Variants in RASGRF2 observed in about 807,000 individuals in gnomAD.
RASGRF2 encodes the protein Ras protein specific guanine nucleotide releasing factor 2, also known as ras-specific guanine nucleotide-releasing factor 2.
In RASGRF2, 76 loss-of-function variants were observed where a neutral mutation model predicts 151.0. That is an observed-to-expected ratio of 0.50 (90% confidence interval 0.42 to 0.61). The LOEUF (loss-of-function observed/expected upper bound fraction) is 0.61. Among genes scored for constraint, RASGRF2 ranks in the 20% least tolerant of loss-of-function variants. RASGRF2 has a pLI of 0.00. For synonymous variants in RASGRF2, 504 were observed against 566.5 expected, an observed-to-expected ratio of 0.89 and a Z score of 1.57; for missense variants, 1,148 against 1,564.6, an observed-to-expected ratio of 0.73 and a Z score of 4.49.
chr5:81,055,052 T>C (rs1554089753), intron 2 of RASGRF2, among the ~76,000 whole-genome samples: 3 of 152,240 alleles, frequency 2.0e-5, no homozygotes, highest in Non-Finnish European at 4.4e-5. Flanking sequence ...TTTCTAAATA[T>C]ACAGTCATAT....
At chr5:81,029,100 T>A (rs570672238) in intron 1 of RASGRF2, among the ~76,000 whole-genome samples, 1 of 152,134 alleles carries the variant, frequency 6.6e-6, no homozygotes, top group African/African-American at 2.4e-5. Flanking sequence ...GAGGCTGGGG[T>A]AGGGGTGTCT....
At chr5:81,024,245 T>C (rs528141105) in intron 1 of RASGRF2, among the ~76,000 whole-genome samples, 1 of 135,064 alleles carries the variant, frequency 7.4e-6, no homozygotes, top group African/African-American at 2.8e-5. Context: ...GAGGTATTCA[T>C]ATAATTTTTT....
At chr5:81,195,854 C>A (rs1337925507) in intron 18 of RASGRF2, among the ~76,000 whole-genome samples, 2 of 152,190 alleles carry the variant, frequency 1.3e-5, no homozygotes, top group Admixed American at 1.3e-4. Context: ...TGCTTCTCAT[C>A]TCAGCCCATG....
intron 17 of RASGRF2, among the ~76,000 whole-genome samples, chr5:81,161,634 A>G (rs1321696230): frequency 6.6e-6 from 1 of 152,180 alleles, no homozygotes; most frequent in African/African-American, 2.4e-5. Context: ...GAGTTTGTAT[A>G]GTTTGCTAAT....
At chr5:80,974,028 T>C (rs893868413) in intron 1 of RASGRF2, among the ~76,000 whole-genome samples, 1 of 152,202 alleles carries the variant, frequency 6.6e-6, no homozygotes, top group African/African-American at 2.4e-5. Flanking sequence ...CTCCTTGCAA[T>C]ATGACCTTTC....
At position 81,127,142 on chromosome 5, in the gene RASGRF2, G is replaced by A. The variant is rs1753479093; in HGVS notation, c.2665G>A (p.Ala889Thr). 2 of 1,614,032 alleles carry A rather than the reference G, an allele frequency of 1.2e-6. No individual in the cohort carries two copies. The highest frequency in any genetic ancestry group is 2.2e-5 in the East Asian group (1 of 44,884). The change falls in exon 17 of 27, where the codon GCA becomes ACA. Residue 889 changes from alanine to threonine, a missense_variant. This residue lies in a region of RASGRF2 where 646 missense variants were observed against 807.4 expected (regional missense o/e 0.80). Coordinates refer to ENST00000265080, the MANE Select transcript of RASGRF2 (RefSeq NM_006909.3). The stretch of plus-strand genomic sequence containing the variant: ...TGCTTTTGCAATAGCCACAGCTGCA[G>A]CAGGACATGGGAGTCCACCAGGTGA... ...ASAFAIATAAAGHGSPPGFNN... is the reference protein window; with the variant it reads ...ASAFAIATAATGHGSPPGFNN...
chr5:81,027,055 A>G (rs1221271747), intron 1 of RASGRF2, among the ~76,000 whole-genome samples: 1 of 152,208 alleles, frequency 6.6e-6, no homozygotes. Flanking sequence ...ATCATATCCC[A>G]TAAAATTCAC....
chr5:80,973,777 C>T (rs1402296519), intron 1 of RASGRF2, among the ~76,000 whole-genome samples: 1 of 152,112 alleles, frequency 6.6e-6, no homozygotes, highest in Non-Finnish European at 1.5e-5. Flanking sequence ...ATAGTACATT[C>T]AATGATCAAA....
At chr5:80,991,329 G>A (rs1042252396) in intron 1 of RASGRF2, among the ~76,000 whole-genome samples, 10 of 152,146 alleles carry the variant, frequency 6.6e-5, no homozygotes, top group African/African-American at 2.4e-4. Context: ...GGGGCCTGAG[G>A]TGGGAGGATC....
At chr5:80,972,228 C>T (rs1412806947) in intron 1 of RASGRF2, among the ~76,000 whole-genome samples, 2 of 152,164 alleles carry the variant, frequency 1.3e-5, no homozygotes, top group Non-Finnish European at 2.9e-5. Context: ...TTTCAAAGGG[C>T]ATGCATATAT....
intron 1 of RASGRF2, among the ~76,000 whole-genome samples, chr5:80,980,279 C>T (rs1204783294): frequency 1.3e-5 from 2 of 152,152 alleles, no homozygotes; most frequent in Non-Finnish European, 2.9e-5. Context: ...CCCACCAGCC[C>T]TTCTCCATCA....
chr5:81,219,546 A>G (rs1488644867), intron 25 of RASGRF2, 164 bp from the exon 26 acceptor site: 2 of 538,708 alleles, frequency 3.7e-6, no homozygotes, highest in South Asian at 3.0e-5. Context: ...TTGAGAGTCA[A>G]GAAAGCACCA....
intron 2 of RASGRF2, among the ~76,000 whole-genome samples, chr5:81,050,041 G>T (rs1228078852): frequency 6.6e-6 from 1 of 152,124 alleles, no homozygotes; most frequent in Non-Finnish European, 1.5e-5. Flanking sequence ...TGTACACTCA[G>T]TCACTCAAAC....
intron 1 of RASGRF2, among the ~76,000 whole-genome samples, chr5:80,987,364 T>C (rs929800653): frequency 3.3e-5 from 5 of 152,210 alleles, no homozygotes; most frequent in African/African-American, 4.8e-5. Flanking sequence ...AGGCTAAGCA[T>C]TCGGTCGAGT....
intron 15 of RASGRF2, among the ~76,000 whole-genome samples, chr5:81,116,062 A>ATTT (rs1344487796): frequency 4.4e-4 from 23 of 52,470 alleles, no homozygotes; most frequent in Non-Finnish European, 8.0e-4. Context: ...GGTGAATGCC[A>ATTT]TTTCTTTTTT....
At chr5:81,124,588 C>T (rs909116102) in intron 16 of RASGRF2, among the ~76,000 whole-genome samples, 1 of 152,026 alleles carries the variant, frequency 6.6e-6, no homozygotes, top group Non-Finnish European at 1.5e-5. Context: ...ATCATTATTG[C>T]TAGTGGCAGA....
intron 1 of RASGRF2, among the ~76,000 whole-genome samples, chr5:81,023,249 A>T (rs984638070): frequency 2.0e-5 from 3 of 152,206 alleles, no homozygotes; most frequent in Non-Finnish European, 2.9e-5. Flanking sequence ...AAGAAGAGGA[A>T]CTTATTGTCA....
At chr5:81,035,685 G>A (rs1470191720) in intron 1 of RASGRF2, among the ~76,000 whole-genome samples, 1 of 151,714 alleles carries the variant, frequency 6.6e-6, no homozygotes, top group East Asian at 1.9e-4. Context: ...ATAGAGAATT[G>A]GTGAATTAGA....
chr5:81,197,372 C>T (rs924032420), intron 18 of RASGRF2, among the ~76,000 whole-genome samples: 7 of 138,090 alleles, frequency 5.1e-5, no homozygotes, highest in South Asian at 2.4e-4. Context: ...AGGAGAATGG[C>T]GTGAACCCGG....
Sources: allele counts gnomAD v4.1 joint callset (sites outside exome capture counted in the v4.1 genomes callset), GRCh38; gene constraint gnomAD v4.1.1; regional missense constraint gnomAD v4.1.1; transcripts MANE v1.5; gene names NCBI Gene and HGNC (gene_info 2026-07-23, HGNC 2026-07-21).